Variants in RYR3 observed in about 807,000 individuals in gnomAD.
RYR3 encodes brain ryanodine receptor-calcium release channel.
Under a neutral mutation model 584.3 loss-of-function variants are expected in RYR3, and 207 were observed. That is an observed-to-expected ratio of 0.35 (90% CI 0.32 to 0.40). The LOEUF is 0.40. RYR3 is among the 10% of genes least tolerant of loss of function. The pLI is 1.00. For synonymous variants in RYR3, 2,416 were observed against 2,248.5 expected (o/e 1.07, Z -2.11); for missense variants, 5,616 against 6,089.2 (o/e 0.92, Z 2.59).
intron 19 of RYR3, among the ~76,000 whole-genome samples, chr15:33,623,565 G>A (rs2060834792): frequency 6.6e-6 from 1 of 152,136 alleles, no homozygotes; most frequent in Non-Finnish European, 1.5e-5. Flanking sequence ...AGTGGTTTAT[G>A]TATATAAATG....
At chr15:33,596,495 T>TGGGG (rs71117157) in intron 16 of RYR3, among the ~76,000 whole-genome samples, 7 of 133,974 alleles carry the variant, frequency 5.2e-5, no homozygotes, top group African/African-American at 8.4e-5. Flanking sequence ...GTTCTTTTTT[T>TGGGG]GGGGGGGGGG....
rs1272922315 is a variant in RYR3 at position 33,359,221 on chromosome 15, G to A, written c.51+48125G>A. 2.6e-5 allele frequency among the ~76,000 whole-genome samples: 4 copies of A among 152,260 alleles called. 1 individual carries two copies. In the East Asian group the frequency reaches 7.7e-4, roughly 29 times the overall value. Reference sequence around the variant, plus strand: ...CTCTTAAAACACAGATAATATCAAAGCATTTTTCTTCTCTTTCAGAAAAAA... The same window carrying A: ...CTCTTAAAACACAGATAATATCAAAACATTTTTCTTCTCTTTCAGAAAAAA... On this transcript the variant is annotated intron_variant, in intron 1 of 103. Coordinates refer to ENST00000634891, the MANE Select transcript of RYR3 (RefSeq NM_001036.6).
Position 33,865,440 on chromosome 15 carries a change from A to G in RYR3, c.*214A>G, listed in dbSNP as rs1890185474. 2.0e-6 allele frequency: 1 copy of G among 499,652 alleles called. No homozygotes were observed. Among genetic ancestry groups the G allele is most frequent in the Non-Finnish European group, 3.6e-6 (1 of 281,378 alleles). The allele number at this position is 499,652 out of a possible 1,614,324, so 31.0% of individuals were successfully genotyped here. ...GGGAGAGAACCTGTCAAAATGTCGA[A>G]GAAGGAAGGCGAAGAATCAAGTAAT... is the stretch of plus-strand genomic sequence containing the variant. On this transcript the variant is annotated 3_prime_UTR_variant, in exon 104 of 104. Coordinates refer to ENST00000634891, the MANE Select transcript of RYR3 (RefSeq NM_001036.6).
At chr15:33,743,477 TC>T (rs2070375863) in intron 52 of RYR3, among the ~76,000 whole-genome samples, 1 of 152,166 alleles carries the variant, frequency 6.6e-6, no homozygotes, top group Non-Finnish European at 1.5e-5. Context: ...TGTGTTCCAA[TC>T]ACATTTTATT....
At chr15:33,787,852 C>T (rs2074836993) in intron 66 of RYR3, among the ~76,000 whole-genome samples, 1 of 152,226 alleles carries the variant, frequency 6.6e-6, no homozygotes, top group African/African-American at 2.4e-5. Flanking sequence ...AGGAAGTTTA[C>T]AATCTGCTAG....
At chr15:33,551,767 C>T (rs1420105196) in intron 10 of RYR3, among the ~76,000 whole-genome samples, 2 of 151,894 alleles carry the variant, frequency 1.3e-5, no homozygotes, top group Non-Finnish European at 2.9e-5. Context: ...TTTAGATTCC[C>T]AGCACAAGAG....
chr15:33,363,432 G>A (rs1818355447), intron 1 of RYR3, among the ~76,000 whole-genome samples: 1 of 152,100 alleles, frequency 6.6e-6, no homozygotes, highest in African/African-American at 2.4e-5. Flanking sequence ...GCTCAGTTTT[G>A]GGACACAGAG....
At chr15:33,539,827 A>G (rs1017128167) in intron 6 of RYR3, among the ~76,000 whole-genome samples, 2 of 152,184 alleles carry the variant, frequency 1.3e-5, no homozygotes, top group Non-Finnish European at 2.9e-5. Context: ...AGGAAGAGAA[A>G]GTATATATAC....
chr15:33,685,293 A>T (rs1423490571), intron 38 of RYR3, among the ~76,000 whole-genome samples: 1 of 152,224 alleles, frequency 6.6e-6, no homozygotes, highest in Admixed American at 6.5e-5. Context: ...AGGGGTTGCA[A>T]TCCTAGTCTC....
intron 89 of RYR3, chr15:33,840,583 C>T (rs1431936348): frequency 5.4e-6 from 3 of 557,990 alleles, no homozygotes; most frequent in Non-Finnish European, 9.5e-6. Context: ...CAAGTTTCCT[C>T]TTTGAATTGA....
chr15:33,759,239 C>T (rs772390411), intron 60 of RYR3, among the ~76,000 whole-genome samples: 5 of 152,224 alleles, frequency 3.3e-5, no homozygotes, highest in Non-Finnish European at 4.4e-5. Context: ...GTCTCTTCTC[C>T]TCCAAAGGAT....
intron 30 of RYR3, 149 bp from the exon 31 acceptor site, chr15:33,648,923 C>G (rs557873560): frequency 1.7e-6 from 1 of 581,632 alleles, no homozygotes; most frequent in Non-Finnish European, 2.9e-6. Context: ...CCAGATCTAG[C>G]ATCTAGCCTA....
chr15:33,508,754 C>T (rs1200573295), intron 3 of RYR3, among the ~76,000 whole-genome samples: 2 of 152,190 alleles, frequency 1.3e-5, no homozygotes, highest in Non-Finnish European at 2.9e-5. Context: ...AGTTCTTCAT[C>T]TCCCCGTATT....
At position 33,336,471 on chromosome 15, in the gene RYR3, AG is replaced by A. The variant is rs1567046858; in HGVS notation, c.51+25376del. Among the ~76,000 whole-genome samples the A allele has an allele frequency of 1.5e-4, 6 of 40,238 alleles. 2 individuals carry two copies. The highest frequency in any genetic ancestry group is 1.2e-3 in the African/African-American group (5 of 4,322). The allele number at this position is 40,238 out of a possible 152,430, so 26.4% of individuals were successfully genotyped here. A position where few individuals can be genotyped will look rare whatever the true frequency, so the allele number is the denominator to read the frequency against. On this transcript the variant is annotated intron_variant, in intron 1 of 103. Coordinates refer to ENST00000634891, the MANE Select transcript of RYR3 (RefSeq NM_001036.6). ...GAGAGAGAGAGAGAGAGAGAGAGAG[AG>A]AGAGAGAGAGAGAGAAAGAAAGAAA...
At chr15:33,821,687 G>A (rs923676084) in intron 80 of RYR3, 85 bp downstream of exon 80, 27 of 1,334,790 alleles carry the variant, frequency 2.0e-5, no homozygotes, top group African/African-American at 4.3e-5. Flanking sequence ...GGAGTTGACT[G>A]CTACAGAGGG....
chr15:33,792,114 G>A (rs2152919903), intron 67 of RYR3, among the ~76,000 whole-genome samples: 1 of 152,248 alleles, frequency 6.6e-6, no homozygotes, highest in East Asian at 1.9e-4. Context: ...AATGAAGACT[G>A]GTGACATGTT....
chr15:33,644,244 C>A, intron 27 of RYR3, 67 bp from the exon 28 acceptor site: 1 of 1,268,262 alleles, frequency 7.9e-7, no homozygotes, highest in Non-Finnish European at 1.1e-6. Context: ...AGCAAAGATT[C>A]AGCTGCCTCG....
intron 38 of RYR3, among the ~76,000 whole-genome samples, chr15:33,695,464 T>G (rs1392203128): frequency 6.6e-6 from 1 of 152,210 alleles, no homozygotes; most frequent in African/African-American, 2.4e-5. Context: ...CAATAAATTC[T>G]GAATTCAAAG....
At chr15:33,756,016 C>A (rs2071784265) in intron 58 of RYR3, among the ~76,000 whole-genome samples, 1 of 152,176 alleles carries the variant, frequency 6.6e-6, no homozygotes. Context: ...TCAAGTGATC[C>A]ACCTGCTTCA....
Sources: allele counts gnomAD v4.1 joint callset (sites outside exome capture counted in the v4.1 genomes callset), GRCh38; gene constraint gnomAD v4.1.1; transcripts MANE v1.5; gene names NCBI Gene and HGNC (gene_info 2026-07-23, HGNC 2026-07-21).